Variants in GBP1 observed in about 807,000 individuals in gnomAD.
GBP1 encodes guanylate-binding protein 1.
Under a neutral mutation model 69.5 loss-of-function variants are expected in GBP1, and 64 were observed. That is an observed-to-expected ratio of 0.92 (90% CI 0.75 to 1.13). GBP1 has a LOEUF of 1.13. Ranked by LOEUF, GBP1 falls within the 50% of genes most tolerant of loss-of-function variation. GBP1 has a pLI of 0.00. For missense variants in GBP1, 630 were observed against 704.1 expected, an observed-to-expected ratio of 0.89 and a Z score of 1.19; for synonymous variants, 250 against 261.2, an observed-to-expected ratio of 0.96 and a Z score of 0.41.
At chr1:89,058,551 C>T in intron 5 of GBP1, 1 of 543,684 alleles carries the variant, frequency 1.8e-6, no homozygotes, top group Non-Finnish European at 3.3e-6. Flanking sequence ...CCATTGTACT[C>T]CATACTCTAT....
Position 89,053,460 on chromosome 1 carries a change from C to G in GBP1, c.1674G>C (p.Glu558Asp), listed in dbSNP as rs1444288374. Reference sequence around the variant, plus strand: ...TTTGAAATCCCTCTTTTAGTAGTTGCTCCTGTTCCTAAAAAGGGACAAACG... The same window carrying G: ...TTTGAAATCCCTCTTTTAGTAGTTGGTCCTGTTCCTAAAAAGGGACAAACG... ...RTLALKLQEQ[E>D]QLLKEGFQKE... Residue 558 changes from glutamate to aspartate, a missense_variant, in exon 11 of 11, where the codon GAG (glutamate) becomes GAC (aspartate). Transcript: ENST00000370473. 1 of 1,613,198 alleles carries G rather than the reference C, an allele frequency of 6.2e-7. No homozygotes were observed. The highest frequency in any genetic ancestry group is 1.1e-5 in the South Asian group (1 of 90,912).
intron 3 of GBP1, 106 bp from the exon 4 acceptor site, chr1:89,059,532 T>A: frequency 9.4e-7 from 1 of 1,060,744 alleles, no homozygotes; most frequent in East Asian, 2.7e-5. Flanking sequence ...TTTTTTTTTC[T>A]TTTCTTTTTT....
At chr1:89,061,235 A>G (rs1680188498) in intron 2 of GBP1, among the ~76,000 whole-genome samples, 1 of 152,220 alleles carries the variant, frequency 6.6e-6, no homozygotes, top group African/African-American at 2.4e-5. Context: ...AAAAATAAAA[A>G]GGAAGAGCAA....
At position 89,063,218 on chromosome 1, in the gene GBP1, T is replaced by C. The variant is rs776931963; in HGVS notation, c.17A>G (p.His6Arg). The C allele has an allele frequency of 2.5e-6, 4 of 1,613,936 alleles. No individual in the cohort carries two copies. In the African/African-American group the frequency reaches 5.3e-5, roughly 22 times the overall value. ...AATGAGGCACATTGGGCCTGTCATG[T>C]GGATCTCTGATGCCATGTCCAGGCT... MASEIHMTGPMCLIEN... is the reference protein window; with the variant it reads MASEIRMTGPMCLIEN... The change falls in exon 2 of 11, where the codon CAC (histidine) becomes CGC (arginine). Residue 6 changes from histidine (H) to arginine (R), a missense_variant. Coordinates refer to ENST00000370473, the MANE Select transcript of GBP1 (RefSeq NM_002053.3).
In GBP1 at chr1:89,054,751, A is replaced by T; in HGVS notation, c.1596T>A (p.Thr532=). ...RSYQEHLKQL[T]EKMENDRVQL... ...GGACCCTGTCGTTCTCCATCTTCTC[A>T]GTCAGTTGTTTCAAGTGTTCCTGAT... is the stretch of plus-strand genomic sequence containing the variant. The change falls in exon 10 of 11, where the codon ACT becomes ACA. Residue 532 remains threonine (T), a synonymous_variant. Transcript: ENST00000370473. The T allele has an allele frequency of 6.2e-7, 1 of 1,614,204 alleles. No homozygotes were observed. The highest frequency in any genetic ancestry group is 1.3e-5 in the African/African-American group (1 of 75,070).
intron 1 of GBP1, among the ~76,000 whole-genome samples, chr1:89,064,214 T>TGC (rs1557752188): frequency 7.9e-5 from 4 of 50,570 alleles, no homozygotes; most frequent in East Asian, 4.8e-4. Context: ...TGTGTGTGTG[T>TGC]GTGTGTGTGT....
chr1:89,053,777 G>T (rs1222075015), intron 10 of GBP1, among the ~76,000 whole-genome samples: 2 of 152,228 alleles, frequency 1.3e-5, no homozygotes, highest in African/African-American at 4.8e-5. Context: ...TAAGAAATCT[G>T]AGTGCCAGAC....
At chr1:89,057,232 G>A (rs1042256602) in intron 6 of GBP1, 98 bp from the exon 7 acceptor site, 1 of 1,500,344 alleles carries the variant, frequency 6.7e-7, no homozygotes, top group Non-Finnish European at 9.1e-7. Context: ...TTTCCTCACA[G>A]CATCAATGTC....
At chr1:89,064,388 A>T (rs771132318) in intron 1 of GBP1, among the ~76,000 whole-genome samples, 3 of 152,130 alleles carry the variant, frequency 2.0e-5, no homozygotes, top group Non-Finnish European at 2.9e-5. Flanking sequence ...AGGTTAAAGT[A>T]AGCAAAGATA....
intron 5 of GBP1, 133 bp downstream of exon 5, chr1:89,058,708 G>T: frequency 1.2e-6 from 1 of 822,660 alleles, no homozygotes; most frequent in Non-Finnish European, 2.0e-6. Flanking sequence ...TATTCAGCAA[G>T]TATTAATTTC....
intron 6 of GBP1, 21 bp downstream of exon 6, chr1:89,057,971 A>T: frequency 6.3e-7 from 1 of 1,597,752 alleles, no homozygotes; most frequent in Non-Finnish European, 8.5e-7. Flanking sequence ...AATGAGCAGA[A>T]GTACTAGGAA....
rs930586091 is a variant in GBP1, at chr1:89,062,690, A to AT, written c.190+354dup. The AT allele has an allele frequency of 1.6e-5, 3 of 188,376 alleles. No individual in the cohort carries two copies. The South Asian group carries it at 3.8e-4, about 24-fold the overall frequency. The allele number at this position is 188,376 out of a possible 1,614,324, so 11.7% of individuals were successfully genotyped here. ...AATAATATCCACTACAGATTGAAAC[A>AT]TTTTTTCAACCTTAAAGATCACTGT... On this transcript the variant is annotated intron_variant, in intron 2 of 10. Coordinates refer to ENST00000370473, the MANE Select transcript of GBP1 (RefSeq NM_002053.3).
chr1:89,064,240 T>TGTGTGTGTGTGTGAGAGA (rs1243424526), intron 1 of GBP1, among the ~76,000 whole-genome samples: 13 of 100,008 alleles, frequency 1.3e-4, no homozygotes, highest in African/African-American at 5.4e-4. Context: ...TGTGTGTGTG[T>TGTGTGTGTGTGTGAGAGA]GAGAGAGAGA....
chr1:89,056,507 G>A (rs1680049354), intron 7 of GBP1, among the ~76,000 whole-genome samples: 1 of 152,194 alleles, frequency 6.6e-6, no homozygotes, highest in Non-Finnish European at 1.5e-5. Context: ...TGGAATAAAT[G>A]TGGCTGAACG....
chr1:89,053,130 A>T lies in GBP1; in HGVS notation c.*225T>A, dbSNP rs1570933905. 2 of 410,720 alleles carry T rather than the reference A, an allele frequency of 4.9e-6. No individual in the cohort carries two copies. Among genetic ancestry groups the T allele is most frequent in the East Asian group, 8.6e-5 (2 of 23,174 alleles). 25.4% of individuals were successfully genotyped at this position (410,720 alleles called of 1,614,324 possible). ...CTCCTGAGTGGTACCAGCTTATGAGATTTCCTGAGTTGATACAGAGGTAAA... is the reference window on the plus strand; with the variant it reads ...CTCCTGAGTGGTACCAGCTTATGAGTTTTCCTGAGTTGATACAGAGGTAAA... On this transcript the variant is annotated 3_prime_UTR_variant, in exon 11 of 11. Coordinates refer to ENST00000370473, the MANE Select transcript of GBP1 (RefSeq NM_002053.3).
chr1:89,052,658 G>A lies in GBP1; in HGVS notation c.*697C>T, dbSNP rs1310155800. The A allele has an allele frequency of 6.6e-6, 1 of 152,194 alleles. No homozygotes were observed. The highest frequency in any genetic ancestry group is 2.4e-5 in the African/African-American group (1 of 41,452). The allele number at this position is 152,194 out of a possible 1,614,324, so 9.4% of individuals were successfully genotyped here. A position where few individuals can be genotyped will look rare whatever the true frequency, so the allele number is the denominator to read the frequency against. On this transcript the variant is annotated 3_prime_UTR_variant, in exon 11 of 11. Coordinates refer to ENST00000370473, the MANE Select transcript of GBP1 (RefSeq NM_002053.3). ...TGTGTATTTGGCATTATGTGAATTTGTTTAATCCAGTGTCAATTGTCTAAT... is the reference window on the plus strand; with the variant it reads ...TGTGTATTTGGCATTATGTGAATTTATTTAATCCAGTGTCAATTGTCTAAT...
chr1:89,061,257 C>T (rs921816455), intron 2 of GBP1, among the ~76,000 whole-genome samples: 1 of 152,088 alleles, frequency 6.6e-6, no homozygotes, highest in Non-Finnish European at 1.5e-5. Context: ...GTTGGAGTCT[C>T]ACAGTTTCTG....
rs1414706934 is a variant in GBP1, at chr1:89,055,849, C to T, written c.1368+167G>A. 8.8e-6 allele frequency: 7 copies of T among 795,516 alleles called. No individual in the cohort carries two copies. The East Asian group carries it at 1.7e-4, about 20-fold the overall frequency. 49.3% of individuals were successfully genotyped at this position (795,516 alleles called of 1,614,324 possible). On this transcript the variant is annotated intron_variant, in intron 8 of 10. Coordinates refer to ENST00000370473, the MANE Select transcript of GBP1 (RefSeq NM_002053.3). ...TTGACTGCACTCTCTTTGATGAGCA[C>T]CTAGGACATATCTGGTATAACAGCC...
At position 89,054,701 on chromosome 1, in the gene GBP1, G is replaced by T. The variant is rs769753182; in HGVS notation, c.1646C>A (p.Thr549Asn). Residue 549 changes from threonine (T) to asparagine (N), a missense_variant, in exon 10 of 11, where the codon ACC (threonine) becomes AAC (asparagine). Thr to Asn is a moderately conservative substitution (Grantham distance 65). This residue lies in a region of GBP1 where 71 missense variants were observed against 72.7 expected (regional missense o/e 0.98). Coordinates refer to ENST00000370473, the MANE Select transcript of GBP1 (RefSeq NM_002053.3). ...AGATACCTGAAGTTTAAGAGCGAGGGTCCTCTCTTGCTCTTTCAGCAACTG... is the reference window on the plus strand; with the variant it reads ...AGATACCTGAAGTTTAAGAGCGAGGTTCCTCTCTTGCTCTTTCAGCAACTG... ...RVQLLKEQER[T>N]LALKLQEQEQ... The T allele has an allele frequency of 5.0e-6, 8 of 1,613,874 alleles. No homozygotes were observed. Among genetic ancestry groups the T allele is most frequent in the South Asian group, 2.2e-5 (2 of 91,064 alleles).
Sources: allele counts gnomAD v4.1 joint callset (sites outside exome capture counted in the v4.1 genomes callset), GRCh38; gene constraint gnomAD v4.1.1; regional missense constraint gnomAD v4.1.1; transcripts MANE v1.5; gene names NCBI Gene and HGNC (gene_info 2026-07-23, HGNC 2026-07-21).